The following CUX1 variants were observed in gnomAD, a reference collection of about 807,000 sequenced individuals.
CUX1 encodes the protein cut like homeobox 1.
CUX1 carries 31 observed loss-of-function variants against 158.8 expected under a neutral mutation model. The observed-to-expected ratio is 0.20, with a 90% CI of 0.15 to 0.26. The LOEUF is 0.26. Among genes scored for constraint, CUX1 ranks in the 10% least tolerant of loss-of-function variants. The pLI, the probability that CUX1 is intolerant of heterozygous loss-of-function variation, is 1.00. For missense variants in CUX1, 1,589 were observed against 2,014.6 expected (o/e 0.79, Z 4.04); for synonymous variants, 879 against 862.1 (o/e 1.02, Z -0.34).
intron 1 of CUX1, among the ~76,000 whole-genome samples, chr7:101,890,236 T>C (rs1339909192): frequency 6.6e-6 from 1 of 152,102 alleles, no homozygotes; most frequent in Non-Finnish European, 1.5e-5. Context: ...ATTCAAAGAA[T>C]AGGGGGGCTG....
chr7:102,214,027 C>G (rs997207904), intron 20 of CUX1, among the ~76,000 whole-genome samples: 1 of 152,080 alleles, frequency 6.6e-6, no homozygotes, highest in Non-Finnish European at 1.5e-5. Context: ...CCCAGCTACT[C>G]GGGAGGCTGA....
intron 2 of CUX1, among the ~76,000 whole-genome samples, chr7:101,976,714 C>T (rs896727086): frequency 5.3e-5 from 8 of 152,028 alleles, no homozygotes; most frequent in Non-Finnish European, 8.8e-5. Flanking sequence ...AAATTTACAT[C>T]GGTGGATCCA....
intron 1 of CUX1, among the ~76,000 whole-genome samples, chr7:101,834,254 A>G (rs1233901521): frequency 3.9e-5 from 5 of 129,468 alleles, no homozygotes; most frequent in Non-Finnish European, 7.9e-5. Flanking sequence ...GCCCACTGCA[A>G]CCTCCGCCTC....
chr7:102,021,053 TTG>T (rs1190189758), intron 2 of CUX1, among the ~76,000 whole-genome samples: 2 of 152,040 alleles, frequency 1.3e-5, no homozygotes, highest in African/African-American at 4.8e-5. Context: ...GGCAACAACC[TTG>T]TGAGAGTCAG....
chr7:102,112,230 C>T (rs1830973205), intron 7 of CUX1, among the ~76,000 whole-genome samples: 1 of 146,778 alleles, frequency 6.8e-6, no homozygotes, highest in South Asian at 2.1e-4. Context: ...CTTTAAACTT[C>T]TTTCTCTCTC....
chr7:101,871,157 G>T (rs894520912), intron 1 of CUX1, among the ~76,000 whole-genome samples: 3 of 152,106 alleles, frequency 2.0e-5, no homozygotes, highest in African/African-American at 7.2e-5. Flanking sequence ...TAGCATCCGT[G>T]GTTCAGGAGA....
chr7:101,871,311 A>T (rs1798505835), intron 1 of CUX1, among the ~76,000 whole-genome samples: 1 of 2,326 alleles, frequency 4.3e-4, no homozygotes, highest in Admixed American at 7.8e-3. Context: ...TCTAAAAAAT[A>T]AAAAAAAGCC....
intron 11 of CUX1, among the ~76,000 whole-genome samples, chr7:102,179,111 G>C (rs567849438): frequency 6.6e-6 from 1 of 151,884 alleles, no homozygotes; most frequent in Non-Finnish European, 1.5e-5. Flanking sequence ...GCAATGGCAT[G>C]ATCTGGGCTC....
intron 2 of CUX1, among the ~76,000 whole-genome samples, chr7:102,004,878 G>T (rs1010568639): frequency 6.6e-6 from 1 of 152,214 alleles, no homozygotes; most frequent in Non-Finnish European, 1.5e-5. Flanking sequence ...TAGTCTTGAC[G>T]GAGAAAGAGG....
chr7:101,981,725 C>T (rs1333759886), intron 2 of CUX1, among the ~76,000 whole-genome samples: 1 of 152,154 alleles, frequency 6.6e-6, no homozygotes, highest in Non-Finnish European at 1.5e-5. Flanking sequence ...ATTCTCCTGC[C>T]TCCGTCTCCT....
intron 6 of CUX1, among the ~76,000 whole-genome samples, chr7:102,108,098 A>G (rs1208997510): frequency 6.6e-6 from 1 of 152,226 alleles, no homozygotes; most frequent in Non-Finnish European, 1.5e-5. Flanking sequence ...GTGCCCTGCC[A>G]TGGAGAAATG....
intron 4 of CUX1, among the ~76,000 whole-genome samples, chr7:102,075,813 C>T (rs1554476433): frequency 6.6e-6 from 1 of 152,222 alleles, no homozygotes; most frequent in Non-Finnish European, 1.5e-5. Flanking sequence ...TAAAGATTTA[C>T]ATGCCTGCAT....
intron 16 of CUX1, among the ~76,000 whole-genome samples, chr7:102,199,815 G>A (rs1337452137): frequency 1.3e-5 from 2 of 152,166 alleles, no homozygotes; most frequent in African/African-American, 2.4e-5. Flanking sequence ...CGGTTCTCCC[G>A]GGTACTAACC....
At chr7:102,156,387 G>C (rs1423622850) in intron 8 of CUX1, among the ~76,000 whole-genome samples, 1 of 152,128 alleles carries the variant, frequency 6.6e-6, no homozygotes, top group Non-Finnish European at 1.5e-5. Flanking sequence ...TCAAAGGGGA[G>C]GTGGATGCGT....
At chr7:102,102,830 T>C (rs1323777511) in intron 5 of CUX1, among the ~76,000 whole-genome samples, 2 of 152,152 alleles carry the variant, frequency 1.3e-5, no homozygotes, top group Admixed American at 1.3e-4. Flanking sequence ...GCATCCAGCA[T>C]GCGGAGTGGC....
At chr7:102,117,397 C>CAAAAAAA (rs10633602) in intron 8 of CUX1, among the ~76,000 whole-genome samples, 1,445 of 46,502 alleles carry the variant, frequency 0.031, 163 homozygotes, top group Middle Eastern at 0.042. Flanking sequence ...GACTCCATCG[C>CAAAAAAA]AAAAAAAAAA....
At chr7:102,099,713 A>C (rs1829588730) in intron 5 of CUX1, among the ~76,000 whole-genome samples, 1 of 151,972 alleles carries the variant, frequency 6.6e-6, no homozygotes, top group Admixed American at 6.6e-5. Flanking sequence ...AGGCATGTGT[A>C]CCACCGTGCC....
intron 2 of CUX1, among the ~76,000 whole-genome samples, chr7:101,956,067 A>G (rs1190047075): frequency 7.0e-6 from 1 of 143,544 alleles, no homozygotes; most frequent in Non-Finnish European, 1.5e-5. Flanking sequence ...CTGTAGTCCC[A>G]GCTACTCGGG....
At chr7:102,082,828 A>G (rs1350919313) in intron 4 of CUX1, among the ~76,000 whole-genome samples, 2 of 147,576 alleles carry the variant, frequency 1.4e-5, no homozygotes, top group African/African-American at 2.4e-5. Flanking sequence ...CTGTGTGGAT[A>G]TATACCAATT....
Sources: gnomAD v4.1 joint callset for allele counts (sites outside exome capture counted in the v4.1 genomes callset) on GRCh38, gnomAD v4.1.1 for gene constraint, MANE v1.5 for transcripts, NCBI Gene and HGNC (gene_info 2026-07-23, HGNC 2026-07-21) for gene names.